HOOK3: variants seen among roughly 807,000 people sequenced by gnomAD.
The protein encoded by HOOK3 is protein Hook homolog 3.
A neutral mutation model predicts 116.3 loss-of-function variants in HOOK3; 24 were observed. The observed-to-expected ratio is 0.21, with a 90% confidence interval of 0.15 to 0.29. The LOEUF (loss-of-function observed/expected upper bound fraction) is 0.29. Among genes scored for constraint, HOOK3 ranks in the 10% least tolerant of loss-of-function variants. The pLI, the probability that HOOK3 is intolerant of heterozygous loss-of-function variation, is 1.00. For missense variants in HOOK3, 632 were observed against 830.2 expected, an observed-to-expected ratio of 0.76 and a Z score of 2.93; for synonymous variants, 275 against 283.0, an observed-to-expected ratio of 0.97 and a Z score of 0.28.
At chr8:43,015,504 C>T (rs1166147810) in intron 21 of HOOK3, among the ~76,000 whole-genome samples, 1 of 152,144 alleles carries the variant, frequency 6.6e-6, no homozygotes, top group Non-Finnish European at 1.5e-5. Flanking sequence ...GCCTTGACGA[C>T]AGAGCGAGAC....
At chr8:42,922,132 T>C (rs928789049) in intron 2 of HOOK3, among the ~76,000 whole-genome samples, 3 of 152,234 alleles carry the variant, frequency 2.0e-5, no homozygotes, top group African/African-American at 7.2e-5. Context: ...AAGAGCTAAG[T>C]TATGTAAAAC....
chr8:42,929,264 C>T (rs1379106057), intron 3 of HOOK3, among the ~76,000 whole-genome samples: 1 of 152,036 alleles, frequency 6.6e-6, no homozygotes, highest in African/African-American at 2.4e-5. Flanking sequence ...TTTTATGAGA[C>T]CTGTAAAGAT....
At chr8:42,976,074 A>G (rs1808822539) in intron 13 of HOOK3, among the ~76,000 whole-genome samples, 1 of 151,578 alleles carries the variant, frequency 6.6e-6, no homozygotes, top group African/African-American at 2.4e-5. Flanking sequence ...ATATATATGT[A>G]TATATATTTT....
At chr8:42,931,776 A>G (rs925253225) in intron 4 of HOOK3, among the ~76,000 whole-genome samples, 2 of 147,650 alleles carry the variant, frequency 1.4e-5, no homozygotes, top group Non-Finnish European at 3.0e-5. Flanking sequence ...TTCTTTTTTG[A>G]CAGATTCTCG....
At chr8:43,010,551 C>G (rs1809585605) in intron 19 of HOOK3, 146 bp downstream of exon 19, 1 of 266,418 alleles carries the variant, frequency 3.8e-6, no homozygotes, top group Non-Finnish European at 7.7e-6. Context: ...TAAAAAGAAC[C>G]TGAGCAACAA....
chr8:42,986,092 T>A (rs1200326996), intron 14 of HOOK3, among the ~76,000 whole-genome samples: 1 of 152,218 alleles, frequency 6.6e-6, no homozygotes, highest in Admixed American at 6.5e-5. Context: ...GTAAATATGG[T>A]GGCAAGTTCT....
chr8:43,017,550 G>A (rs935614016), intron 21 of HOOK3, among the ~76,000 whole-genome samples: 3 of 152,180 alleles, frequency 2.0e-5, no homozygotes, highest in African/African-American at 7.2e-5. Context: ...ACAGGCATGA[G>A]CCACTACTCA....
chr8:42,982,487 A>G (rs1808971143), intron 13 of HOOK3, 140 bp from the exon 14 acceptor site: 7 of 596,582 alleles, frequency 1.2e-5, no homozygotes, highest in Non-Finnish European at 9.0e-6. Flanking sequence ...ACTTAATAAT[A>G]TTTTAAGACC....
intron 4 of HOOK3, among the ~76,000 whole-genome samples, chr8:42,942,039 A>G (rs940592631): frequency 6.6e-6 from 1 of 152,176 alleles, no homozygotes; most frequent in Non-Finnish European, 1.5e-5. Flanking sequence ...CAGGTGGATT[A>G]CTTGAGGTCA....
intron 3 of HOOK3, among the ~76,000 whole-genome samples, chr8:42,929,459 A>C (rs1411688671): frequency 6.6e-6 from 1 of 152,168 alleles, no homozygotes; most frequent in African/African-American, 2.4e-5. Context: ...TAATCAATAG[A>C]ACTATATCAC....
At position 42,999,125 on chromosome 8, in the gene HOOK3, G is replaced by A. The variant is rs74995047; in HGVS notation, c.1620+1488G>A. Among the ~76,000 whole-genome samples, 380 of 152,302 alleles carry A rather than the reference G, an allele frequency of 2.5e-3. 3 individuals are homozygous for A. Among genetic ancestry groups the A allele is most frequent in the East Asian group, 9.8e-3 (51 of 5,188 alleles). Reference sequence around the variant, plus strand: ...TCAGCTTAAACTTCAGTGTTACAATGATGGCCATTGTGCATGGTTCTCTTA... The same window carrying A: ...TCAGCTTAAACTTCAGTGTTACAATAATGGCCATTGTGCATGGTTCTCTTA... On this transcript the variant is annotated intron_variant, in intron 16 of 21. Transcript: ENST00000307602.
rs995624812 is a variant in HOOK3 at position 43,027,596 on chromosome 8, G to C, written c.*9098G>C. On this transcript the variant is annotated 3_prime_UTR_variant, in exon 22 of 22. Coordinates refer to ENST00000307602, the MANE Select transcript of HOOK3 (RefSeq NM_032410.4). ...ACTGCTTTTTTTCTCTCCCAAATTAGAAAATTAAAAGTGAAACATAACACA... is the reference window on the plus strand; with the variant it reads ...ACTGCTTTTTTTCTCTCCCAAATTACAAAATTAAAAGTGAAACATAACACA... 8.6e-6 allele frequency: 2 copies of C among 232,408 alleles called. No individual in the cohort carries two copies. The highest frequency in any genetic ancestry group is 4.5e-5 in the African/African-American group (2 of 44,370). The allele number at this position is 232,408 out of a possible 1,614,324, so 14.4% of individuals were successfully genotyped here.
intron 17 of HOOK3, among the ~76,000 whole-genome samples, chr8:43,005,994 C>CTATT (rs541185195): frequency 0.02 from 2,938 of 148,222 alleles, 48 homozygotes; most frequent in African/African-American, 0.039. Flanking sequence ...CGCACCTGGT[C>CTATT]TATTTATTTA....
At chr8:42,995,622 C>T (rs866779954) in intron 15 of HOOK3, among the ~76,000 whole-genome samples, 10 of 152,224 alleles carry the variant, frequency 6.6e-5, no homozygotes, top group Middle Eastern at 3.4e-3. Context: ...CCACATGGCT[C>T]CCAAATCTGT....
rs896605342 is a variant in HOOK3, at chr8:42,938,775, G to C, written c.268-4538G>C. ...GGTGTTTCTCGCAGAGGGGGATTTG[G>C]CAGGGTCACAGGACAATAGTGGAGG... On this transcript the variant is annotated intron_variant, in intron 4 of 21. Coordinates refer to ENST00000307602, the MANE Select transcript of HOOK3 (RefSeq NM_032410.4). 1.7e-4 allele frequency among the ~76,000 whole-genome samples: 26 copies of C among 151,746 alleles called. 1 individual carries two copies. Among genetic ancestry groups the C allele is most frequent in the African/African-American group, 6.3e-4 (26 of 41,354 alleles).
At chr8:42,983,083 C>G (rs1808983079) in intron 14 of HOOK3, among the ~76,000 whole-genome samples, 1 of 152,042 alleles carries the variant, frequency 6.6e-6, no homozygotes, top group Non-Finnish European at 1.5e-5. Flanking sequence ...GCCTGCAATC[C>G]CAGCACTTTG....
chr8:42,979,521 G>A (rs1187525307), intron 13 of HOOK3, among the ~76,000 whole-genome samples: 1 of 152,154 alleles, frequency 6.6e-6, no homozygotes, highest in Non-Finnish European at 1.5e-5. Context: ...TCCCAGACTA[G>A]TAACCAGCTT....
chr8:43,024,870 G>C lies in HOOK3; in HGVS notation c.*6372G>C, dbSNP rs1456531882. ...GTATTAATATTTAGCTTCCTTTCTA[G>C]AAAACAAGGGGCAGCACAAATGGGG... On this transcript the variant is annotated 3_prime_UTR_variant, in exon 22 of 22. Transcript: ENST00000307602. 1 of 208,190 alleles carries C rather than the reference G, an allele frequency of 4.8e-6. No individual in the cohort carries two copies. The highest frequency in any genetic ancestry group is 2.3e-5 in the African/African-American group (1 of 43,900). The allele number at this position is 208,190 out of a possible 1,614,324, so 12.9% of individuals were successfully genotyped here. A position where few individuals can be genotyped will look rare whatever the true frequency, so the allele number is the denominator to read the frequency against.
chr8:42,940,325 C>A (rs902901467), intron 4 of HOOK3, among the ~76,000 whole-genome samples: 5 of 152,244 alleles, frequency 3.3e-5, no homozygotes, highest in Non-Finnish European at 1.5e-5. Flanking sequence ...ACCAAAAAAA[C>A]ACGAAAACCA....
Sources: gnomAD v4.1 joint callset for allele counts (sites outside exome capture counted in the v4.1 genomes callset) on GRCh38, gnomAD v4.1.1 for gene constraint, MANE v1.5 for transcripts, NCBI Gene and HGNC (gene_info 2026-07-23, HGNC 2026-07-21) for gene names.